Variants in MORF4L2 observed in about 807,000 individuals in gnomAD.
The protein encoded by MORF4L2 is mortality factor 4 like 2, also known as mortality factor 4-like protein 2.
MORF4L2 carries 1 observed loss-of-function variant against 12.0 expected under a neutral mutation model. The observed-to-expected ratio is 0.08, with a 90% CI of 0.03 to 0.40. MORF4L2 has a LOEUF of 0.40. MORF4L2 is among the 10% of genes least tolerant of loss of function. The probability of loss-of-function intolerance (pLI) is 0.98; values close to 1 mark genes in which losing one functional copy is unlikely to be tolerated. For missense variants in MORF4L2, 123 were observed against 214.0 expected, an observed-to-expected ratio of 0.57 and a Z score of 2.65; for synonymous variants, 69 against 81.6, an observed-to-expected ratio of 0.85 and a Z score of 0.83.
intron 2 of MORF4L2, chrX:103,684,805 G>A (rs772340307): frequency 1.8e-5 from 2 of 111,519 alleles, no homozygotes; most frequent in African/African-American, 6.6e-5. Context: ...TAAATATCTT[G>A]CCCAAGATCA....
At chrX:103,685,705 T>A (rs1434301319) in intron 1 of MORF4L2, among the ~76,000 whole-genome samples, 2 of 107,261 alleles carry the variant, frequency 1.9e-5, no homozygotes, top group African/African-American at 6.8e-5. Context: ...AGCAGATTAA[T>A]ATACGCAACC....
chrX:103,677,506 A>G (rs1365460629), intron 3 of MORF4L2, among the ~76,000 whole-genome samples: 1 of 112,273 alleles, frequency 8.9e-6, no homozygotes, highest in Non-Finnish European at 1.9e-5. Context: ...TAGGATGATG[A>G]CAGAGTCAAG....
At chrX:103,680,898 G>A (rs1402951771) in intron 2 of MORF4L2, among the ~76,000 whole-genome samples, 2 of 112,279 alleles carry the variant, frequency 1.8e-5, no homozygotes, top group Non-Finnish European at 3.8e-5. Context: ...GAACCTGCAT[G>A]AGTAAATCCA....
rs2074069706 is a variant in MORF4L2, at chrX:103,685,194, G to C, written c.-201C>G. The C allele has an allele frequency of 8.9e-6, 1 of 112,243 alleles. No individual in the cohort carries two copies. The highest frequency in any genetic ancestry group is 9.4e-5 in the Admixed American group (1 of 10,637). The allele number at this position is 112,243 out of a possible 1,213,427, so 9.3% of individuals were successfully genotyped here. A position where few individuals can be genotyped will look rare whatever the true frequency, so the allele number is the denominator to read the frequency against. ...ACCCAAGATTCTGTAATCAGGGAAG[G>C]TTCTGCAATCAGGATCAGATCTCCT... On this transcript the variant is annotated 5_prime_UTR_variant, in exon 2 of 4. Transcript: ENST00000441076.
In MORF4L2 at chrX:103,684,166, TGTGA is replaced by T. The variant is rs1434326522; in HGVS notation, c.-178+1001_-178+1004del. Among the ~76,000 whole-genome samples, 5 of 112,195 alleles carry T rather than the reference TGTGA, an allele frequency of 4.5e-5. No homozygotes were observed. The East Asian group carries it at 8.4e-4, about 19-fold the overall frequency. ...TGTGTATGCATGTGTCAGAAAAGAG[TGTGA>T]GTAACATTTTGTTGGAATAAACCTT... On this transcript the variant is annotated intron_variant, in intron 2 of 3. Coordinates refer to ENST00000441076, the MANE Select transcript of MORF4L2 (RefSeq NM_012286.3).
chrX:103,678,038 T>C (rs147924678), intron 3 of MORF4L2, among the ~76,000 whole-genome samples: 15 of 109,417 alleles, frequency 1.4e-4, no homozygotes, highest in African/African-American at 5.0e-4. Flanking sequence ...GTGTGAGATG[T>C]ACAGTTAAAC....
At chrX:103,678,194 T>G (rs1307429392) in intron 3 of MORF4L2, among the ~76,000 whole-genome samples, 1 of 109,346 alleles carries the variant, frequency 9.1e-6, no homozygotes, top group Non-Finnish European at 1.9e-5. Flanking sequence ...TAGTGGACAC[T>G]ACGAGGGCCA....
intron 3 of MORF4L2, among the ~76,000 whole-genome samples, 152 bp downstream of exon 3, chrX:103,678,347 T>C (rs181959636): frequency 7.7e-4 from 86 of 111,991 alleles, no homozygotes; most frequent in South Asian, 2.6e-3. Context: ...AAGAATGTTA[T>C]TTTGGATGCC....
chrX:103,682,740 C>T (rs1386780450), intron 2 of MORF4L2, among the ~76,000 whole-genome samples: 1 of 111,900 alleles, frequency 8.9e-6, no homozygotes, highest in Non-Finnish European at 1.9e-5. Context: ...CCATCACTTT[C>T]TTTTGTCTAA....
chrX:103,682,182 A>G (rs1265451376), intron 2 of MORF4L2, among the ~76,000 whole-genome samples: 1 of 111,465 alleles, frequency 9.0e-6, no homozygotes, highest in Non-Finnish European at 1.9e-5. Context: ...GCATCTTTCC[A>G]TGTCAGTACA....
At chrX:103,682,869 T>C (rs928731560) in intron 2 of MORF4L2, among the ~76,000 whole-genome samples, 1 of 111,896 alleles carries the variant, frequency 8.9e-6, no homozygotes, top group Non-Finnish European at 1.9e-5. Context: ...AGGAAAATGC[T>C]CCAAAAATAC....
rs1421635617 is a variant in MORF4L2 at position 103,685,249 on chromosome X, T to G, written c.-256A>C. The stretch of plus-strand genomic sequence containing the variant: ...CTCACTATACAGCAAACTTAGCTTT[T>G]CTGATGGTGACCTAGAAGGTCAAAC... On this transcript the variant is annotated 5_prime_UTR_variant, in exon 2 of 4. Coordinates refer to ENST00000441076, the MANE Select transcript of MORF4L2 (RefSeq NM_012286.3). 9.0e-6 allele frequency: 1 copy of G among 111,644 alleles called. No homozygotes were observed. Among genetic ancestry groups the G allele is most frequent in the African/African-American group, 3.3e-5 (1 of 30,584 alleles). The allele number at this position is 111,644 out of a possible 1,213,427, so 9.2% of individuals were successfully genotyped here.
At chrX:103,678,149 G>C (rs971234083) in intron 3 of MORF4L2, among the ~76,000 whole-genome samples, 1 of 109,971 alleles carries the variant, frequency 9.1e-6, no homozygotes, top group Non-Finnish European at 1.9e-5. Flanking sequence ...GTAAAAGCCA[G>C]AAATGGAGAT....
At chrX:103,679,829 A>AT (rs2073939763) in intron 2 of MORF4L2, among the ~76,000 whole-genome samples, 1 of 97,544 alleles carries the variant, frequency 1.0e-5, no homozygotes, top group South Asian at 5.5e-4. Context: ...AAAATCAGAG[A>AT]TAAGAAATGT....
Position 103,676,477 on chromosome X carries a change from G to T in MORF4L2, c.551C>A (p.Ala184Glu). The change falls in exon 4 of 4, where the codon GCA (alanine) becomes GAA (glutamate). Residue 184 changes from alanine to glutamate, a missense_variant. By Grantham distance (107) the Ala-to-Glu change is moderately radical (BLOSUM62 -1). Transcript: ENST00000441076. ...NKEYAVNEVV[A>E]GIKEYFNVML... ...CACATTGAAATATTCTTTTATTCCT[G>T]CCACAACTTCATTAACCGCATATTC... 2 of 1,210,935 alleles carry T rather than the reference G, an allele frequency of 1.7e-6. No individual in the cohort carries two copies. The highest frequency in any genetic ancestry group is 2.2e-5 in the Admixed American group (1 of 45,962).
intron 1 of MORF4L2, 57 bp from the exon 2 acceptor site, chrX:103,685,317 G>A (rs1284344417): frequency 8.9e-6 from 1 of 111,901 alleles, no homozygotes; most frequent in African/African-American, 3.3e-5. Flanking sequence ...TATGAGATAT[G>A]GCTTTCTTCT....
upstream of MORF4L2, among the ~76,000 whole-genome samples, chrX:103,687,083 G>GT (rs375105934): frequency 3.4e-4 from 35 of 102,363 alleles, no homozygotes; most frequent in African/African-American, 5.0e-4. Flanking sequence ...TGACCAGAGG[G>GT]TTTTTTTTTT....
rs1190713722 is a variant in MORF4L2 at position 103,676,428 on chromosome X, G to A, written c.600C>T (p.Tyr200=). 4 of 1,211,819 alleles carry A rather than the reference G, an allele frequency of 3.3e-6. No individual in the cohort carries two copies. The highest frequency in any genetic ancestry group is 4.5e-6 in the Non-Finnish European group (4 of 895,555). Residue 200 remains tyrosine, a synonymous_variant, in exon 4 of 4, where the codon TAC becomes TAT. Coordinates refer to ENST00000441076, the MANE Select transcript of MORF4L2 (RefSeq NM_012286.3). ...FNVMLGTQLL[Y]KFERPQYAEI... is the part of the protein sequence containing the mutation. ...CAGCATACTGGGGCCTCTCAAATTT[G>A]TAGAGCAGCTGAGTGCCCAACATCA...
chrX:103,683,077 CTT>C (rs112727734), intron 2 of MORF4L2, among the ~76,000 whole-genome samples: 6 of 105,800 alleles, frequency 5.7e-5, no homozygotes, highest in African/African-American at 1.7e-4. Context: ...GATTATTTAA[CTT>C]TTTTTTTTTT....
Sources: allele counts gnomAD v4.1 joint callset (sites outside exome capture counted in the v4.1 genomes callset), GRCh38; gene constraint gnomAD v4.1.1; transcripts MANE v1.5; gene names NCBI Gene and HGNC (gene_info 2026-07-23, HGNC 2026-07-21).